The following GASK1A variants were observed in gnomAD, a reference collection of about 807,000 sequenced individuals.
GASK1A encodes golgi associated kinase 1A, also known as Golgi-associated kinase 1A.
Under a neutral mutation model 41.2 loss-of-function variants are expected in GASK1A, and 40 were observed. That is an observed-to-expected ratio of 0.97 (90% CI 0.75 to 1.27). The LOEUF is 1.27. Ranked by LOEUF, GASK1A falls within the 50% of genes most tolerant of loss-of-function variation. The pLI, the probability that GASK1A is intolerant of heterozygous loss-of-function variation, is 0.00. For missense variants in GASK1A, 678 were observed against 745.1 expected, an observed-to-expected ratio of 0.91 and a Z score of 1.05; for synonymous variants, 316 against 307.1, an observed-to-expected ratio of 1.03 and a Z score of -0.30.
intron 1 of GASK1A, among the ~76,000 whole-genome samples, chr3:43,015,784 G>A (rs996480170): frequency 6.6e-6 from 1 of 151,312 alleles, no homozygotes; most frequent in African/African-American, 2.4e-5. Context: ...GGAAGGGGCA[G>A]GGCAGTGTGA....
At chr3:42,998,445 T>C (rs552936618) in intron 1 of GASK1A, among the ~76,000 whole-genome samples, 1 of 152,286 alleles carries the variant, frequency 6.6e-6, no homozygotes, top group African/African-American at 2.4e-5. Context: ...CTTAGCGGGG[T>C]AATGCTAATA....
At chr3:43,014,354 G>T (rs2089479454) in intron 1 of GASK1A, among the ~76,000 whole-genome samples, 1 of 151,900 alleles carries the variant, frequency 6.6e-6, no homozygotes. Flanking sequence ...GGGATGGTGT[G>T]AAGTCAGAGG....
chr3:43,026,860 C>G (rs1203105242), intron 1 of GASK1A, among the ~76,000 whole-genome samples: 1 of 152,016 alleles, frequency 6.6e-6, no homozygotes, highest in Non-Finnish European at 1.5e-5. Flanking sequence ...ATATTTAGCT[C>G]AAGAAAATTC....
At chr3:42,999,568 C>T (rs1410355988) in intron 1 of GASK1A, among the ~76,000 whole-genome samples, 1 of 152,216 alleles carries the variant, frequency 6.6e-6, no homozygotes, top group Non-Finnish European at 1.5e-5. Flanking sequence ...GCCTTCTTGG[C>T]CCCCCTTGTT....
At chr3:42,979,731 G>A in intron 1 of GASK1A, 86 bp downstream of exon 1, 1 of 1,220,328 alleles carries the variant, frequency 8.2e-7, no homozygotes, top group Non-Finnish European at 1.0e-6. Context: ...GCGGCCCAGG[G>A]CGCGCGCAGC....
intron 1 of GASK1A, among the ~76,000 whole-genome samples, chr3:43,028,432 A>G (rs2089557362): frequency 6.6e-6 from 1 of 152,236 alleles, no homozygotes; most frequent in Non-Finnish European, 1.5e-5. Context: ...AATTTACAAT[A>G]CAGAAAATAT....
In GASK1A at chr3:43,032,421, C is replaced by T; in HGVS notation, c.158C>T (p.Thr53Ile). ...DPGPMEPQGV[T>I]GAPATHIRQA... The stretch of plus-strand genomic sequence containing the variant: ...GGTCCCATGGAGCCTCAGGGGGTAA[C>T]TGGCGCCCCTGCAACCCATATCCGG... The change falls in exon 2 of 5, where the codon ACT (threonine) becomes ATT (isoleucine). Residue 53 changes from threonine (T) to isoleucine (I), a missense_variant. Transcript: ENST00000430121. 1 of 1,551,276 alleles carries T rather than the reference C, an allele frequency of 6.4e-7. No individual in the cohort carries two copies. Among genetic ancestry groups the T allele is most frequent in the South Asian group, 1.2e-5 (1 of 84,046 alleles).
rs2089318923 is a variant in GASK1A at position 42,987,636 on chromosome 3, A to T, written c.3+7991A>T. Among the ~76,000 whole-genome samples the T allele has an allele frequency of 3.3e-5, 5 of 152,146 alleles. No individual in the cohort carries two copies. In the South Asian group the frequency reaches 1.0e-3, roughly 32 times the overall value. ...ATTCTTAAGAGCAATGTGAAGGTGA[A>T]ATGTTGGATACTTCCCCTTTAATCC... is the stretch of plus-strand genomic sequence containing the variant. On this transcript the variant is annotated intron_variant, in intron 1 of 4. Coordinates refer to ENST00000430121, the MANE Select transcript of GASK1A (RefSeq NM_001129908.3).
chr3:43,026,698 A>G (rs1294155509), intron 1 of GASK1A, among the ~76,000 whole-genome samples: 1 of 152,224 alleles, frequency 6.6e-6, no homozygotes, highest in East Asian at 1.9e-4. Flanking sequence ...TATAAAAACA[A>G]GAACAGTGAA....
At chr3:42,988,564 G>T (rs2089324171) in intron 1 of GASK1A, among the ~76,000 whole-genome samples, 1 of 152,250 alleles carries the variant, frequency 6.6e-6, no homozygotes, top group East Asian at 1.9e-4. Flanking sequence ...AGAGAGTAAG[G>T]CACAGAGACA....
Position 43,019,391 on chromosome 3 carries a change from G to A in GASK1A, c.4-12876G>A, listed in dbSNP as rs145996060. Among the ~76,000 whole-genome samples the A allele has an allele frequency of 6.0e-3, 908 of 152,296 alleles. 6 individuals are homozygous for A. Among genetic ancestry groups the A allele is most frequent in the African/African-American group, 0.02 (850 of 41,562 alleles). ...ACTGGAGAGGGAGGTTGTGCCTGTT[G>A]CCTTTGCCCTAGAGGCCGGTTCAGC... On this transcript the variant is annotated intron_variant, in intron 1 of 4. Transcript: ENST00000430121.
chr3:43,042,597 A>T (rs1575450486), intron 2 of GASK1A, among the ~76,000 whole-genome samples: 1 of 152,230 alleles, frequency 6.6e-6, no homozygotes, highest in East Asian at 1.9e-4. Context: ...TAATTATTAA[A>T]GTGGGACATT....
chr3:42,985,689 G>C (rs575367386), intron 1 of GASK1A, among the ~76,000 whole-genome samples: 26 of 152,106 alleles, frequency 1.7e-4, no homozygotes, highest in African/African-American at 5.8e-4. Context: ...TGAAGATATA[G>C]AGAAAGGATA....
chr3:43,039,209 T>G (rs1559406220), intron 2 of GASK1A, among the ~76,000 whole-genome samples: 1 of 149,150 alleles, frequency 6.7e-6, no homozygotes, highest in East Asian at 1.9e-4. Context: ...TTTTTGGTTT[T>G]TTTTTTTTTT....
chr3:43,035,058 A>T (rs2089598049), intron 2 of GASK1A, among the ~76,000 whole-genome samples: 1 of 152,130 alleles, frequency 6.6e-6, no homozygotes, highest in African/African-American at 2.4e-5. Context: ...GACCCTGATG[A>T]TCAAGAGCAT....
intron 1 of GASK1A, among the ~76,000 whole-genome samples, chr3:43,003,422 G>A (rs1277829659): frequency 6.6e-6 from 1 of 151,620 alleles, no homozygotes; most frequent in Non-Finnish European, 1.5e-5. Flanking sequence ...TTGAACCAGG[G>A]AGACGGAGGT....
chr3:43,017,846 TGTGTGAAGCCACAGGAAGGGCCA>T (rs1478813224), intron 1 of GASK1A, among the ~76,000 whole-genome samples: 1 of 144,466 alleles, frequency 6.9e-6, no homozygotes, highest in African/African-American at 2.6e-5. Context: ...AAGAAGGGAC[TGTGTGAAGCCACAGGAAGGGCCA>T]GTGCGAAGCC....
intron 1 of GASK1A, among the ~76,000 whole-genome samples, chr3:43,025,687 A>G (rs2089543715): frequency 6.6e-6 from 1 of 152,170 alleles, no homozygotes. Context: ...TGGAATTCTC[A>G]GGTCTGTTTG....
intron 2 of GASK1A, among the ~76,000 whole-genome samples, chr3:43,052,113 C>T (rs548618168): frequency 1.1e-4 from 17 of 152,152 alleles, no homozygotes; most frequent in African/African-American, 2.2e-4. Context: ...TTTAAGAAAA[C>T]GACTAAAACC....
Sources: allele counts gnomAD v4.1 joint callset (sites outside exome capture counted in the v4.1 genomes callset), GRCh38; gene constraint gnomAD v4.1.1; transcripts MANE v1.5; gene names NCBI Gene and HGNC (gene_info 2026-07-23, HGNC 2026-07-21).